The following TAF1 variants were observed in gnomAD, a reference collection of about 807,000 sequenced individuals.
The protein encoded by TAF1 is TATA-box binding protein associated factor 1.
In TAF1, 2 loss-of-function variants were observed where a neutral mutation model predicts 138.5. That is an observed-to-expected ratio of 0.01 (90% CI 0.01 to 0.05). TAF1 has a LOEUF of 0.05. Ranked by LOEUF, TAF1 falls within the 10% of genes least tolerant of loss-of-function variation. The pLI is 1.00. For missense variants in TAF1, 709 were observed against 1,478.0 expected (o/e 0.48, Z 8.53); for synonymous variants, 437 against 503.2 (o/e 0.87, Z 1.76).
At chrX:71,377,340 C>CT (rs1458091749) in intron 5 of TAF1, 149 bp downstream of exon 5, 49 of 920,285 alleles carry the variant, frequency 5.3e-5, no homozygotes, top group South Asian at 7.8e-5. Flanking sequence ...TGTATTAGGT[C>CT]TTTTTTTTAA....
At chrX:71,445,120 A>T (rs1326768217) in intron 32 of TAF1, among the ~76,000 whole-genome samples, 1 of 108,113 alleles carries the variant, frequency 9.2e-6, no homozygotes. Flanking sequence ...ACATGGTGAA[A>T]CCCGTCTCTA....
At chrX:71,516,430 C>G (rs1162039687) in intron 13 of TAF1, among the ~76,000 whole-genome samples, 2 of 109,141 alleles carry the variant, frequency 1.8e-5, no homozygotes, top group Non-Finnish European at 3.8e-5. Flanking sequence ...TTCTGGAGAT[C>G]CATTGCACAA....
chrX:71,382,357 G>T (rs183680062), intron 9 of TAF1, among the ~76,000 whole-genome samples, 179 bp from the exon 10 acceptor site: 1 of 109,127 alleles, frequency 9.2e-6, no homozygotes, highest in Admixed American at 9.8e-5. Context: ...AAAAGATACA[G>T]GTGTAGTTCA....
At chrX:71,420,783 C>T (rs1026512393) in intron 28 of TAF1, among the ~76,000 whole-genome samples, 3 of 112,857 alleles carry the variant, frequency 2.7e-5, no homozygotes, top group Non-Finnish European at 5.6e-5. Flanking sequence ...CAGGGCGGCT[C>T]CTCTTCAGGC....
chrX:71,378,028 GA>G (rs2148234862), intron 6 of TAF1: 3 of 608,745 alleles, frequency 4.9e-6, no homozygotes, highest in Non-Finnish European at 5.0e-6. Context: ...GCGGGGATGA[GA>G]GGGGTAGATG....
At chrX:71,449,023 GCT>G (rs2037830698) in intron 32 of TAF1, among the ~76,000 whole-genome samples, 1 of 107,957 alleles carries the variant, frequency 9.3e-6, no homozygotes, top group African/African-American at 3.4e-5. Context: ...TGTTTTGAGA[GCT>G]CTTGTTGCCC....
intron 24 of TAF1, among the ~76,000 whole-genome samples, chrX:71,400,142 T>G: frequency 9.1e-6 from 1 of 109,582 alleles, no homozygotes; most frequent in Admixed American, 9.9e-5. Flanking sequence ...CAGGCTGGAG[T>G]GCAATGGTGT....
intron 32 of TAF1, among the ~76,000 whole-genome samples, chrX:71,439,219 C>T (rs190749689): frequency 9.0e-6 from 1 of 111,654 alleles, no homozygotes; most frequent in Non-Finnish European, 1.9e-5. Context: ...TCCTTCTTTA[C>T]TTGAATCACT....
chrX:71,450,429 C>A lies in TAF1; in HGVS notation c.4754-3741C>A, dbSNP rs1020778124. The stretch of plus-strand genomic sequence containing the variant: ...TGCTGGCCAGGCTGGTCTCAAACTT[C>A]TGGCCTCAAATGATCTCCCCACCTC... On this transcript the variant is annotated intron_variant, in intron 32 of 37. Transcript: ENST00000423759. 2.7e-5 allele frequency among the ~76,000 whole-genome samples: 3 copies of A among 112,043 alleles called. No individual in the cohort carries two copies. The East Asian group carries it at 8.5e-4, about 32-fold the overall frequency.
intron 7 of TAF1, among the ~76,000 whole-genome samples, 161 bp from the exon 8 acceptor site, chrX:71,378,663 A>G (rs1047114882): frequency 9.0e-6 from 1 of 111,631 alleles, no homozygotes; most frequent in African/African-American, 3.3e-5. Context: ...GCTGTGCCAG[A>G]CTAGGAGTGG....
chrX:71,407,863 A>C, intron 27 of TAF1, 111 bp from the exon 28 acceptor site: 1 of 1,047,742 alleles, frequency 9.5e-7, no homozygotes, highest in Admixed American at 3.1e-5. Flanking sequence ...CCATCTAGAA[A>C]GATTCCTTTC....
chrX:71,518,719 G>A (rs1227215054), intron 13 of TAF1, among the ~76,000 whole-genome samples: 12 of 83,655 alleles, frequency 1.4e-4, no homozygotes, highest in Non-Finnish European at 1.8e-4. Context: ...TTTTTGAGAC[G>A]GAGTCTGGCT....
intron 32 of TAF1, among the ~76,000 whole-genome samples, chrX:71,433,105 T>A (rs984951484): frequency 5.4e-5 from 6 of 112,103 alleles, no homozygotes; most frequent in Non-Finnish European, 1.1e-4. Context: ...AGAAAGAGAA[T>A]GAAAAAACTG....
chrX:71,394,012 T>G (rs1228877201), intron 21 of TAF1, 55 bp from the exon 22 acceptor site: 1 of 1,105,721 alleles, frequency 9.0e-7, no homozygotes, highest in African/African-American at 1.8e-5. Context: ...TTTTTACTTT[T>G]GCCTGCAACC....
chrX:71,407,066 C>T (rs1471146678), intron 26 of TAF1, among the ~76,000 whole-genome samples: 1 of 108,616 alleles, frequency 9.2e-6, no homozygotes. Flanking sequence ...CAGGTGCACA[C>T]CACCACACCC....
intron 32 of TAF1, among the ~76,000 whole-genome samples, chrX:71,453,940 CTG>C (rs2038169712): frequency 8.9e-6 from 1 of 111,947 alleles, no homozygotes; most frequent in Non-Finnish European, 1.9e-5. Context: ...ACAAGATTGA[CTG>C]TGTGTTAATC....
At chrX:71,424,914 T>G (rs1454715926) in intron 32 of TAF1, among the ~76,000 whole-genome samples, 1 of 112,441 alleles carries the variant, frequency 8.9e-6, no homozygotes, top group Non-Finnish European at 1.9e-5. Flanking sequence ...CGTGAGCCAC[T>G]GCTCCCAGCC....
chrX:71,397,856 A>G (rs927547024), intron 23 of TAF1, among the ~76,000 whole-genome samples: 1 of 111,249 alleles, frequency 9.0e-6, no homozygotes, highest in African/African-American at 3.3e-5. Flanking sequence ...TGGGTGCTTG[A>G]ATTTTAGTGA....
intron 30 of TAF1, 36 bp from the exon 31 acceptor site, chrX:71,423,938 G>A: frequency 1.8e-6 from 2 of 1,092,395 alleles, no homozygotes; most frequent in Middle Eastern, 2.5e-4. Flanking sequence ...ATGAAGAGTG[G>A]TTTCCATTTA....
Sources: allele counts gnomAD v4.1 joint callset (sites outside exome capture counted in the v4.1 genomes callset), GRCh38; gene constraint gnomAD v4.1.1; transcripts MANE v1.5; gene names NCBI Gene and HGNC (gene_info 2026-07-23, HGNC 2026-07-21).